Variants in CARS1 observed in about 807,000 individuals in gnomAD.
CARS1 encodes the protein cysteinyl-tRNA synthetase 1, also known as cysteine--tRNA ligase, cytoplasmic.
CARS1 carries 48 observed loss-of-function variants against 106.2 expected under a neutral mutation model. The ratio of observed to expected loss-of-function variants is 0.45; its 90% CI spans 0.36 to 0.57. CARS1 has a LOEUF of 0.57. CARS1 is among the 20% of genes least tolerant of loss of function. CARS1 has a pLI of 0.00. For missense variants in CARS1, 968 were observed against 1,057.2 expected (o/e 0.92, Z 1.17); for synonymous variants, 409 against 403.4 (o/e 1.01, Z -0.17).
Position 3,041,925 on chromosome 11 carries a change from T to C in CARS1, c.366+240A>G, listed in dbSNP as rs1007299469. Among the ~76,000 whole-genome samples, 21 of 152,106 alleles carry C rather than the reference T, an allele frequency of 1.4e-4. No individual in the cohort carries two copies. The highest frequency in any genetic ancestry group is 4.8e-4 in the African/African-American group (20 of 41,420). Reference sequence around the variant, plus strand: ...CAGGGTGATCCATGCCCAGAAGTCATGGGCAGGCTTCCACATGAGGCATGA... The same window carrying C: ...CAGGGTGATCCATGCCCAGAAGTCACGGGCAGGCTTCCACATGAGGCATGA... On this transcript the variant is annotated intron_variant, in intron 3 of 22. Coordinates refer to ENST00000380525, the MANE Select transcript of CARS1 (RefSeq NM_001014437.3). The surrounding 1 kb of genome is among the most constrained non-coding windows in gnomAD (Gnocchi z 4.9).
rs143403960 is a variant in CARS1, at chr11:3,001,208, T to C, written c.2402A>G (p.Lys801Arg). The change falls in exon 23 of 23, where the codon AAA becomes AGA. Residue 801 changes from lysine (K) to arginine (R), a missense_variant. Transcript: ENST00000380525. ...THDMEGKELS[K>R]GQAKKLKKLF... ...CTTCTTCAGCTTCTTGGCTTGCCCT[T>C]TGCTGAGCTCTTTGCCCTCCATGTC... 43 of 1,613,982 alleles carry C rather than the reference T, an allele frequency of 2.7e-5. No individual in the cohort carries two copies. The highest frequency in any genetic ancestry group is 3.1e-5 in the Non-Finnish European group (37 of 1,180,050).
chr11:3,027,575 T>C (rs1394642739), intron 9 of CARS1: 1 of 195,638 alleles, frequency 5.1e-6, no homozygotes, highest in Non-Finnish European at 1.1e-5. Context: ...ATGAATATCA[T>C]TAATCATTAG....
intron 9 of CARS1, chr11:3,027,818 T>C: frequency 2.2e-6 from 1 of 454,880 alleles, no homozygotes; most frequent in Non-Finnish European, 4.4e-6. Flanking sequence ...GACTGTGGTC[T>C]AGCGGTAGCG....
intron 22 of CARS1, 84 bp downstream of exon 22, chr11:3,001,886 T>A (rs1209500071): frequency 9.1e-6 from 10 of 1,098,540 alleles, no homozygotes; most frequent in Admixed American, 3.4e-5. Context: ...AATCTGCTTG[T>A]CCAAGGTTGA....
At chr11:3,016,995 G>T in intron 16 of CARS1, 111 bp downstream of exon 16, 1 of 843,730 alleles carries the variant, frequency 1.2e-6, no homozygotes, top group Non-Finnish European at 1.8e-6. Context: ...GAGGTGCTGG[G>T]CACCAGGCAC....
intron 2 of CARS1, among the ~76,000 whole-genome samples, chr11:3,047,044 G>A (rs1391738380): frequency 3.3e-5 from 5 of 152,232 alleles, no homozygotes; most frequent in East Asian, 3.9e-4. Context: ...TTGGGAGGCC[G>A]AGGCGGGTGG....
chr11:3,032,372 A>G (rs1852965451), intron 7 of CARS1, among the ~76,000 whole-genome samples: 1 of 152,070 alleles, frequency 6.6e-6, no homozygotes, highest in Non-Finnish European at 1.5e-5. Flanking sequence ...CGCCCGGCCA[A>G]TAACTGGTAG....
At chr11:3,013,778 G>A (rs1441346714) in intron 17 of CARS1, among the ~76,000 whole-genome samples, 3 of 152,094 alleles carry the variant, frequency 2.0e-5, no homozygotes, top group South Asian at 2.1e-4. Context: ...ACTTGAACTC[G>A]GGAGGCAGAG....
chr11:3,007,122 TC>T, intron 18 of CARS1, 163 bp from the exon 19 acceptor site: 1 of 627,222 alleles, frequency 1.6e-6, no homozygotes, highest in Non-Finnish European at 2.8e-6. Flanking sequence ...GAGTACCTCC[TC>T]CAGTGCTTGG....
rs2134156140 is a variant in CARS1 at position 3,020,410 on chromosome 11, C to T, written c.1154-78G>A. The T allele has an allele frequency of 7.2e-6, 6 of 838,864 alleles. No individual in the cohort carries two copies. Among genetic ancestry groups the T allele is most frequent in the Admixed American group, 1.8e-5 (1 of 55,542 alleles). The allele number at this position is 838,864 out of a possible 1,614,324, so 52.0% of individuals were successfully genotyped here. ...ACATGTCTCACTTCAAGGCCATCCA[C>T]GGTGCCTAATGGGCAGTCCTTCTGA... On this transcript the variant is annotated intron_variant, in intron 10 of 22. Transcript: ENST00000380525. The surrounding 1 kb of genome is among the most constrained non-coding windows in gnomAD (Gnocchi z 4.6).
Position 3,032,913 on chromosome 11 carries a change from G to A in CARS1, c.802-3470C>T, listed in dbSNP as rs570695883. Among the ~76,000 whole-genome samples, 27 of 151,622 alleles carry A rather than the reference G, an allele frequency of 1.8e-4. No individual in the cohort carries two copies. The East Asian group carries it at 4.6e-3, about 26-fold the overall frequency. ...TAAACCACGGACTCAGGGTAATGAC[G>A]CTCAGAGCAGGTTCGCTGACTGTAA... is the stretch of plus-strand genomic sequence containing the variant. On this transcript the variant is annotated intron_variant, in intron 7 of 22. Coordinates refer to ENST00000380525, the MANE Select transcript of CARS1 (RefSeq NM_001014437.3).
rs1287922894 is a variant in CARS1 at position 3,039,411 on chromosome 11, T to A, written c.553-119A>T. The A allele has an allele frequency of 1.5e-6, 1 of 664,852 alleles. No individual in the cohort carries two copies. Among genetic ancestry groups the A allele is most frequent in the Non-Finnish European group, 2.7e-6 (1 of 369,080 alleles). 41.2% of individuals were successfully genotyped at this position (664,852 alleles called of 1,614,324 possible). The stretch of plus-strand genomic sequence containing the variant: ...GAGGGTGAGGGTGGTGGGAGACAAC[T>A]GTGGGCCCCGGACGTGCACACCATC... On this transcript the variant is annotated intron_variant, in intron 5 of 22. Transcript: ENST00000380525. This position sits in a 1 kb window ranked among gnomAD's most constrained non-coding sequence, Gnocchi z 5.6.
rs1359163019 is a variant in CARS1 at position 3,019,072 on chromosome 11, CTT to C, written c.1395+65_1395+66del. 1 of 1,482,142 alleles carries C rather than the reference CTT, an allele frequency of 6.7e-7. No individual in the cohort carries two copies. The highest frequency in any genetic ancestry group is 1.4e-5 in the African/African-American group (1 of 70,990). The allele number at this position is 1,482,142 out of a possible 1,614,324, so 91.8% of individuals were successfully genotyped here. On this transcript the variant is annotated intron_variant, in intron 12 of 22. Transcript: ENST00000380525. The surrounding 1 kb of genome is among the most constrained non-coding windows in gnomAD (Gnocchi z 6.2). Reference sequence around the variant, plus strand: ...GAGGCCCTTCTGAGGCCTGGGCTGACTTTTCCTCCACTGCAGTATGAACACTG... The same window carrying C: ...GAGGCCCTTCTGAGGCCTGGGCTGACTTCCTCCACTGCAGTATGAACACTG...
Position 3,041,568 on chromosome 11 carries a change from G to T in CARS1, c.367-584C>A, listed in dbSNP as rs1854456414. On this transcript the variant is annotated intron_variant, in intron 3 of 22. Coordinates refer to ENST00000380525, the MANE Select transcript of CARS1 (RefSeq NM_001014437.3). The surrounding 1 kb of genome is among the most constrained non-coding windows in gnomAD (Gnocchi z 4.9). ...CATCCTCAACCAGTTTCCCAAGGAA[G>T]GCCATGAACTCCCTCACACCTGACT... 6.6e-6 allele frequency among the ~76,000 whole-genome samples: 1 copy of T among 152,078 alleles called. No individual in the cohort carries two copies. The highest frequency in any genetic ancestry group is 2.4e-5 in the African/African-American group (1 of 41,412).
rs984673881 is a variant in CARS1 at position 3,008,131 on chromosome 11, G to C, written c.2069-1172C>G. 1.4e-5 allele frequency: 2 copies of C among 147,048 alleles called. No homozygotes were observed. The highest frequency in any genetic ancestry group is 3.0e-5 in the Non-Finnish European group (2 of 65,672). The allele number at this position is 147,048 out of a possible 1,614,324, so 9.1% of individuals were successfully genotyped here. ...TTGCTGCGCCCAACTGTGCTAGGCG[G>C]GCAGGTGCCCTGCCCCCCAGCCTGC... On this transcript the variant is annotated intron_variant, in intron 18 of 22. Coordinates refer to ENST00000380525, the MANE Select transcript of CARS1 (RefSeq NM_001014437.3). This position sits in a 1 kb window ranked among gnomAD's most constrained non-coding sequence, Gnocchi z 5.1.
At chr11:3,055,071 T>G (rs187126126) in intron 1 of CARS1, 1 of 655,266 alleles carries the variant, frequency 1.5e-6, no homozygotes. Context: ...GAAAGAGAAA[T>G]AGACCTTCTG....
At chr11:3,025,436 C>T (rs1288476334) in intron 10 of CARS1, among the ~76,000 whole-genome samples, 1 of 152,204 alleles carries the variant, frequency 6.6e-6, no homozygotes, top group Admixed American at 6.5e-5. Context: ...CCATGTTGGC[C>T]AGGCTGGTCT....
Position 3,041,078 on chromosome 11 carries a change from G to A in CARS1, c.367-94C>T, listed in dbSNP as rs1264329632. The A allele has an allele frequency of 6.3e-7, 1 of 1,599,102 alleles. No individual in the cohort carries two copies. The highest frequency in any genetic ancestry group is 1.3e-5 in the African/African-American group (1 of 74,574). On this transcript the variant is annotated intron_variant, in intron 3 of 22. Coordinates refer to ENST00000380525, the MANE Select transcript of CARS1 (RefSeq NM_001014437.3). This position sits in a 1 kb window ranked among gnomAD's most constrained non-coding sequence, Gnocchi z 4.9. ...AGCAACAAACATCACAGTGTGGTTT[G>A]TGTTTAGTGTAAACAATTCAACAGA...
intron 19 of CARS1, among the ~76,000 whole-genome samples, 198 bp from the exon 20 acceptor site, chr11:3,005,631 A>AT (rs5789288): frequency 0.37 from 49,253 of 132,306 alleles, 9,406 homozygotes; most frequent in South Asian, 0.4. Context: ...TGTGTGTGTG[A>AT]TTTTTTTTTT....
Sources: allele counts gnomAD v4.1 joint callset (sites outside exome capture counted in the v4.1 genomes callset), GRCh38; gene constraint gnomAD v4.1.1; non-coding constraint Gnocchi (gnomAD v3.1); transcripts MANE v1.5; gene names NCBI Gene and HGNC (gene_info 2026-07-23, HGNC 2026-07-21).